PARD3B: variants seen among roughly 807,000 people sequenced by gnomAD.
The protein encoded by PARD3B is par-3 family cell polarity regulator beta, also known as partitioning defective 3 homolog B.
Under a neutral mutation model 130.2 loss-of-function variants are expected in PARD3B, and 103 were observed. The ratio of observed to expected loss-of-function variants is 0.79; its 90% CI spans 0.67 to 0.93. The LOEUF is 0.93. PARD3B is among the 40% of genes least tolerant of loss of function. The pLI is 0.00. For synonymous variants in PARD3B, 583 were observed against 553.2 expected (o/e 1.05, Z -0.76); for missense variants, 1,609 against 1,499.2 (o/e 1.07, Z -1.21).
intron 4 of PARD3B, among the ~76,000 whole-genome samples, chr2:205,074,441 A>G (rs1700920546): frequency 1.3e-5 from 2 of 152,324 alleles, no homozygotes; most frequent in Middle Eastern, 3.4e-3. Context: ...ATAGTAGTTT[A>G]TGGAACGACT....
intron 1 of PARD3B, among the ~76,000 whole-genome samples, chr2:204,559,876 C>G (rs1049510740): frequency 1.3e-5 from 2 of 152,152 alleles, no homozygotes; most frequent in African/African-American, 2.4e-5. Context: ...GGGTGAGTTC[C>G]TATTCTTTGC....
chr2:204,690,809 T>C (rs1015182231), intron 2 of PARD3B, among the ~76,000 whole-genome samples: 1 of 152,280 alleles, frequency 6.6e-6, no homozygotes, highest in Non-Finnish European at 1.5e-5. Flanking sequence ...AAAGTGATGT[T>C]AGTCTTCTCA....
At chr2:205,478,877 A>G (rs2049122206) in intron 20 of PARD3B, among the ~76,000 whole-genome samples, 1 of 152,196 alleles carries the variant, frequency 6.6e-6, no homozygotes, top group Non-Finnish European at 1.5e-5. Flanking sequence ...ACACCATTTC[A>G]GCACACATAT....
chr2:204,831,560 A>G (rs2043821802), intron 2 of PARD3B, among the ~76,000 whole-genome samples: 2 of 152,212 alleles, frequency 1.3e-5, no homozygotes, highest in Admixed American at 1.3e-4. Context: ...CCTAAGATAC[A>G]TGAGAACTGA....
At chr2:205,097,094 C>T (rs1200435031) in intron 4 of PARD3B, among the ~76,000 whole-genome samples, 1 of 152,006 alleles carries the variant, frequency 6.6e-6, no homozygotes, top group Non-Finnish European at 1.5e-5. Flanking sequence ...ATCTTTTTGT[C>T]TTGCATATGT....
intron 2 of PARD3B, among the ~76,000 whole-genome samples, chr2:204,709,081 G>A (rs1574771639): frequency 6.6e-6 from 1 of 152,210 alleles, no homozygotes; most frequent in East Asian, 1.9e-4. Flanking sequence ...CTTAGGGAAT[G>A]CATGAATAAT....
chr2:204,579,496 G>A (rs1414006737), intron 1 of PARD3B, among the ~76,000 whole-genome samples: 1 of 152,080 alleles, frequency 6.6e-6, no homozygotes, highest in Non-Finnish European at 1.5e-5. Context: ...GTAAGTTGGG[G>A]CTTCATCTAA....
At position 204,799,329 on chromosome 2, in the gene PARD3B, C is replaced by T. The variant is rs1442267198; in HGVS notation, c.222+113047C>T. ...GAGTGGGGAGGACTTTGTCATGTGG[C>T]TTGAATGCCAGCACAGCTGCAGTAG... is the stretch of plus-strand genomic sequence containing the variant. On this transcript the variant is annotated intron_variant, in intron 2 of 22. Coordinates refer to ENST00000406610, the MANE Select transcript of PARD3B (RefSeq NM_001302769.2). The surrounding 1 kb of genome is among the most constrained non-coding windows in gnomAD (Gnocchi z 4.1). 6.6e-6 allele frequency among the ~76,000 whole-genome samples: 1 copy of T among 152,186 alleles called. No individual in the cohort carries two copies. Among genetic ancestry groups the T allele is most frequent in the Non-Finnish European group, 1.5e-5 (1 of 68,032 alleles).
intron 15 of PARD3B, among the ~76,000 whole-genome samples, chr2:205,204,203 G>A (rs1259763166): frequency 6.6e-6 from 1 of 152,240 alleles, no homozygotes; most frequent in Admixed American, 6.5e-5. Flanking sequence ...CTAATGATCA[G>A]TGATGATGAG....
intron 1 of PARD3B, among the ~76,000 whole-genome samples, chr2:204,647,388 C>T (rs2035310839): frequency 6.6e-6 from 1 of 150,840 alleles, no homozygotes; most frequent in South Asian, 2.1e-4. Context: ...TAATTTTGTG[C>T]CTTGCTGCAT....
At chr2:204,566,224 C>T (rs1574472030) in intron 1 of PARD3B, among the ~76,000 whole-genome samples, 2 of 152,228 alleles carry the variant, frequency 1.3e-5, no homozygotes, top group African/African-American at 4.8e-5. Context: ...CAATCAGCAT[C>T]AGCACCAATT....
intron 1 of PARD3B, among the ~76,000 whole-genome samples, chr2:204,642,243 C>T (rs992419264): frequency 7.2e-5 from 11 of 152,290 alleles, no homozygotes; most frequent in African/African-American, 2.6e-4. Flanking sequence ...TAGGCTCAGG[C>T]ATAATAGCAC....
intron 2 of PARD3B, among the ~76,000 whole-genome samples, chr2:204,828,483 A>G (rs983045766): frequency 3.3e-5 from 5 of 152,124 alleles, no homozygotes; most frequent in African/African-American, 4.8e-5. Context: ...GCTAGACTTG[A>G]GAGCCTTTTT....
intron 10 of PARD3B, among the ~76,000 whole-genome samples, chr2:205,156,609 C>G (rs13427801): frequency 0.58 from 87,835 of 151,546 alleles, 27,121 homozygotes; most frequent in Admixed American, 0.72. Context: ...CTTCCACATT[C>G]CAAGTCTTCT....
intron 15 of PARD3B, among the ~76,000 whole-genome samples, chr2:205,234,479 C>T (rs1182756019): frequency 1.3e-5 from 2 of 152,096 alleles, no homozygotes; most frequent in East Asian, 3.9e-4. Context: ...GGAACCAAAT[C>T]ATCAAAACAA....
Position 205,253,586 on chromosome 2 carries a change from G to T in PARD3B, c.2185+7764G>T. Reference sequence around the variant, plus strand: ...GCCTCCTCTGCCTCTTCAGAGCCCAGCAGAAAGACAGAGAAAGAAGCCTCC... The same window carrying T: ...GCCTCCTCTGCCTCTTCAGAGCCCATCAGAAAGACAGAGAAAGAAGCCTCC... On this transcript the variant is annotated intron_variant, in intron 16 of 22. Coordinates refer to ENST00000406610, the MANE Select transcript of PARD3B (RefSeq NM_001302769.2). This position sits in a 1 kb window ranked among gnomAD's most constrained non-coding sequence, Gnocchi z 4.4. The T allele has an allele frequency of 2.4e-6, 1 of 417,426 alleles. No individual in the cohort carries two copies. The highest frequency in any genetic ancestry group is 4.8e-6 in the Non-Finnish European group (1 of 209,640). The allele number at this position is 417,426 out of a possible 1,614,324, so 25.9% of individuals were successfully genotyped here.
rs369596031 is a variant in PARD3B at position 205,520,276 on chromosome 2, G to T, written c.3180+20245G>T. On this transcript the variant is annotated intron_variant, in intron 21 of 22. Coordinates refer to ENST00000406610, the MANE Select transcript of PARD3B (RefSeq NM_001302769.2). ...GCCCAAGCCAGGGATTCCTTGTCTG[G>T]TGATAAGTAGTGGTGGATATGTGGG... 9.3e-4 allele frequency among the ~76,000 whole-genome samples: 141 copies of T among 152,314 alleles called. 1 individual carries two copies. The highest frequency in any genetic ancestry group is 3.4e-3 in the Middle Eastern group (1 of 294).
At chr2:205,471,970 C>T (rs1483951440) in intron 20 of PARD3B, among the ~76,000 whole-genome samples, 2 of 152,146 alleles carry the variant, frequency 1.3e-5, no homozygotes, top group African/African-American at 4.8e-5. Context: ...GCTTACCACT[C>T]AGCTTACTTA....
intron 2 of PARD3B, among the ~76,000 whole-genome samples, chr2:204,964,342 T>C (rs1462918664): frequency 2.0e-5 from 3 of 152,216 alleles, no homozygotes; most frequent in African/African-American, 7.2e-5. Context: ...CAGTAGTGTC[T>C]GTGTGATTAC....
Sources: allele counts gnomAD v4.1 joint callset (sites outside exome capture counted in the v4.1 genomes callset), GRCh38; gene constraint gnomAD v4.1.1; non-coding constraint Gnocchi (gnomAD v3.1); transcripts MANE v1.5; gene names NCBI Gene and HGNC (gene_info 2026-07-23, HGNC 2026-07-21).